The following CNOT6 variants were observed in gnomAD, a reference collection of about 807,000 sequenced individuals.
CNOT6 encodes the protein CCR4-NOT transcription complex subunit 6, also known as carbon catabolite repression 4 protein.
CNOT6 carries 12 observed loss-of-function variants against 61.2 expected under a neutral mutation model. The observed-to-expected ratio is 0.20, with a 90% confidence interval of 0.13 to 0.32. CNOT6 has a LOEUF of 0.32. CNOT6 is among the 10% of genes least tolerant of loss of function. The probability of loss-of-function intolerance (pLI) is 1.00; values close to 1 mark genes in which losing one functional copy is unlikely to be tolerated. For synonymous variants in CNOT6, 225 were observed against 240.6 expected (o/e 0.94, Z 0.60); for missense variants, 405 against 663.9 (o/e 0.61, Z 4.28).
At chr5:180,549,019 C>T (rs1759454350) in intron 2 of CNOT6, among the ~76,000 whole-genome samples, 2 of 152,096 alleles carry the variant, frequency 1.3e-5, no homozygotes, top group South Asian at 4.1e-4. Flanking sequence ...GAATCTTATG[C>T]CTACTACTAT....
At chr5:180,566,675 G>T (rs1760480007) in intron 7 of CNOT6, among the ~76,000 whole-genome samples, 1 of 140,266 alleles carries the variant, frequency 7.1e-6, no homozygotes, top group African/African-American at 2.7e-5. Flanking sequence ...TTTGGGTGGT[G>T]GGGAGACAGG....
At chr5:180,565,311 C>T (rs1406936132) in intron 6 of CNOT6, among the ~76,000 whole-genome samples, 1 of 152,230 alleles carries the variant, frequency 6.6e-6, no homozygotes, top group African/African-American at 2.4e-5. Flanking sequence ...AATGACTGCT[C>T]ATCTCCTTTT....
At chr5:180,535,959 T>C (rs72812957) in intron 2 of CNOT6, among the ~76,000 whole-genome samples, 2,792 of 150,744 alleles carry the variant, frequency 0.019, 37 homozygotes, top group Non-Finnish European at 0.027. Flanking sequence ...TGAAAAATAT[T>C]GTTTCATGTT....
At chr5:180,510,823 C>T (rs752590609) in intron 1 of CNOT6, among the ~76,000 whole-genome samples, 20 of 150,334 alleles carry the variant, frequency 1.3e-4, no homozygotes, top group Admixed American at 6.0e-4. Context: ...TTTTTTTTTG[C>T]GACAGAGTCT....
rs780515580 is a variant in CNOT6, at chr5:180,564,680, A to T, written c.496A>T (p.Thr166Ser). The T allele has an allele frequency of 1.9e-6, 3 of 1,613,864 alleles. No homozygotes were observed. In the African/African-American group the frequency reaches 4.0e-5, roughly 22 times the overall value. ...NLSGTAKRIT[T>S]EQPPPRSWIM... ...TGTATTTTCTATTCAACTAGTTACA[A>T]CAGAACAACCACCTCCAAGGTCTTG... The change falls in exon 6 of 12, where the codon ACA (threonine) becomes TCA (serine). Residue 166 changes from threonine (T) to serine (S), a missense_variant. Around this residue, in one of 5 missense-constraint regions of CNOT6, gnomAD observed 212 missense variants for 307.1 expected, o/e 0.69. Coordinates refer to ENST00000261951, the MANE Select transcript of CNOT6 (RefSeq NM_001370472.1).
At chr5:180,508,836 T>A (rs1367811508) in intron 1 of CNOT6, among the ~76,000 whole-genome samples, 12 of 124,598 alleles carry the variant, frequency 9.6e-5, no homozygotes, top group East Asian at 2.3e-4. Flanking sequence ...TATTATTATT[T>A]TTTTTTGAGA....
intron 8 of CNOT6, 30 bp from the exon 9 acceptor site, chr5:180,567,815 CTGTG>C (rs146190811): frequency 5.3e-6 from 8 of 1,514,512 alleles, no homozygotes; most frequent in Middle Eastern, 3.4e-4. Flanking sequence ...ATTCCCAACT[CTGTG>C]TGTGTGTGTG....
Position 180,574,075 on chromosome 5 carries a change from A to C in CNOT6, c.1549A>C (p.Asn517His). ...TCTGGACCACCACTGGCTGGTTGAGAATAACATCAGTGGCTGCCCGCACCC... is the reference window on the plus strand; with the variant it reads ...TCTGGACCACCACTGGCTGGTTGAGCATAACATCAGTGGCTGCCCGCACCC... ...GPLDHHWLVENNISGCPHPLI... is the reference protein window; with the variant it reads ...GPLDHHWLVEHNISGCPHPLI... Residue 517 changes from asparagine (N) to histidine (H), a missense_variant, in exon 12 of 12, where the codon AAT becomes CAT. Transcript: ENST00000261951. 6.2e-7 allele frequency: 1 copy of C among 1,613,998 alleles called. No homozygotes were observed. Among genetic ancestry groups the C allele is most frequent in the Non-Finnish European group, 8.5e-7 (1 of 1,179,934 alleles).
At chr5:180,548,683 C>T (rs1197209597) in intron 2 of CNOT6, among the ~76,000 whole-genome samples, 1 of 152,180 alleles carries the variant, frequency 6.6e-6, no homozygotes, top group African/African-American at 2.4e-5. Context: ...GTTGGTGTCT[C>T]ATCTTAGAAA....
At position 180,499,874 on chromosome 5, in the gene CNOT6, AGGTGT is replaced by A. The variant is rs939844962; in HGVS notation, c.-3+5114_-3+5118del. ...GAAGGTTGTAACACGAGAAGCAAATAGGTGTGGCTCTTAACCCATAATAAACTGAC... is the reference window on the plus strand; with the variant it reads ...GAAGGTTGTAACACGAGAAGCAAATAGGCTCTTAACCCATAATAAACTGAC... On this transcript the variant is annotated intron_variant, in intron 1 of 11. Transcript: ENST00000261951. Among the ~76,000 whole-genome samples the A allele has an allele frequency of 4.9e-4, 74 of 152,340 alleles. 1 individual carries two copies. Among genetic ancestry groups the A allele is most frequent in the African/African-American group, 1.4e-3 (58 of 41,590 alleles).
intron 4 of CNOT6, among the ~76,000 whole-genome samples, chr5:180,559,503 A>G (rs1218527499): frequency 6.6e-6 from 1 of 152,122 alleles, no homozygotes; most frequent in Non-Finnish European, 1.5e-5. Flanking sequence ...ATCTGAAGTG[A>G]GTTTCTGTGG....
intron 1 of CNOT6, among the ~76,000 whole-genome samples, chr5:180,508,915 C>T (rs762839196): frequency 7.9e-5 from 12 of 151,320 alleles, no homozygotes; most frequent in Non-Finnish European, 1.3e-4. Context: ...TCTCACCTCC[C>T]GGGTTCAAGC....
chr5:180,526,505 G>A (rs578249660), intron 1 of CNOT6, among the ~76,000 whole-genome samples: 1 of 152,290 alleles, frequency 6.6e-6, no homozygotes, highest in South Asian at 2.1e-4. Flanking sequence ...CGAAAGTCAG[G>A]TCATCAGCTG....
chr5:180,567,000 T>C, intron 7 of CNOT6, 88 bp from the exon 8 acceptor site: 1 of 1,256,448 alleles, frequency 8.0e-7, no homozygotes, highest in South Asian at 1.6e-5. Context: ...CCTTTGAAAT[T>C]ATTTCAAGCT....
intron 2 of CNOT6, among the ~76,000 whole-genome samples, chr5:180,530,773 A>T (rs2127721883): frequency 6.6e-6 from 1 of 152,294 alleles, no homozygotes; most frequent in Admixed American, 6.5e-5. Context: ...ATGACTCTTA[A>T]GGAGCATGCT....
intron 2 of CNOT6, among the ~76,000 whole-genome samples, chr5:180,532,701 C>T (rs1486552265): frequency 6.6e-6 from 1 of 152,178 alleles, no homozygotes; most frequent in Non-Finnish European, 1.5e-5. Flanking sequence ...CAAGACTGCC[C>T]TCTCCCACTT....
chr5:180,551,392 A>T (rs1411750532), intron 3 of CNOT6, among the ~76,000 whole-genome samples: 1 of 152,062 alleles, frequency 6.6e-6, no homozygotes, highest in Non-Finnish European at 1.5e-5. Flanking sequence ...GAAAGAAAAG[A>T]AATGGTCATT....
intron 1 of CNOT6, 62 bp from the exon 2 acceptor site, chr5:180,529,213 A>AAT: frequency 2.2e-5 from 17 of 766,346 alleles, no homozygotes; most frequent in Non-Finnish European, 3.3e-5. Context: ...AAAAAAAAAA[A>AAT]GGTGTTGTGG....
At position 180,577,444 on chromosome 5, in the gene CNOT6, C is replaced by T. The variant is rs1262485208; in HGVS notation, c.*3244C>T. 6.6e-6 allele frequency: 1 copy of T among 152,514 alleles called. No individual in the cohort carries two copies. The highest frequency in any genetic ancestry group is 1.5e-5 in the Non-Finnish European group (1 of 68,028). The allele number at this position is 152,514 out of a possible 1,614,324, so 9.4% of individuals were successfully genotyped here. ...TTGGGGTCATATATAAGGACTAAAG[C>T]CAAGCTAGGCAAAACAATGACAGCA... On this transcript the variant is annotated 3_prime_UTR_variant, in exon 12 of 12. Transcript: ENST00000261951.
Sources: gnomAD v4.1 joint callset for allele counts (sites outside exome capture counted in the v4.1 genomes callset) on GRCh38, gnomAD v4.1.1 for gene constraint, gnomAD v4.1.1 regional missense constraint, MANE v1.5 for transcripts, NCBI Gene and HGNC (gene_info 2026-07-23, HGNC 2026-07-21) for gene names.